Variants in ARHGAP21 observed in about 807,000 individuals in gnomAD.
ARHGAP21 encodes rho GTPase-activating protein 21.
A neutral mutation model predicts 164.6 loss-of-function variants in ARHGAP21; 38 were observed. The observed-to-expected ratio is 0.23, with a 90% CI of 0.18 to 0.30. The LOEUF (loss-of-function observed/expected upper bound fraction) is 0.30. Ranked by LOEUF, ARHGAP21 falls within the 10% of genes least tolerant of loss-of-function variation. The probability of loss-of-function intolerance (pLI) is 1.00; values close to 1 mark genes in which losing one functional copy is unlikely to be tolerated. For missense variants in ARHGAP21, 1,822 were observed against 2,370.7 expected, an observed-to-expected ratio of 0.77 and a Z score of 4.81; for synonymous variants, 766 against 857.9, an observed-to-expected ratio of 0.89 and a Z score of 1.87.
At chr10:24,706,271 A>G (rs976979538) in intron 2 of ARHGAP21, among the ~76,000 whole-genome samples, 3 of 152,172 alleles carry the variant, frequency 2.0e-5, no homozygotes, top group African/African-American at 7.2e-5. Context: ...TCCACCACTT[A>G]AAGCTCTGCA....
At chr10:24,600,132 C>CAAAAAAA (rs56180973) in intron 14 of ARHGAP21, among the ~76,000 whole-genome samples, 38,996 of 92,820 alleles carry the variant, frequency 0.42, 7,973 homozygotes, top group Non-Finnish European at 0.51. Context: ...GACTTCGTTT[C>CAAAAAAA]AAAAAAAAAA....
chr10:24,716,881 C>G (rs1341615729), intron 2 of ARHGAP21, among the ~76,000 whole-genome samples: 1 of 152,142 alleles, frequency 6.6e-6, no homozygotes, highest in Admixed American at 6.5e-5. Flanking sequence ...AAGGAGCATA[C>G]TTGGGAAGGT....
rs569645680 is a variant in ARHGAP21, at chr10:24,680,252, C to T, written c.64-9855G>A. ...ATTTCATAATCTACATATTCTTCCCCGTAACAGCTTTTTGATCTAATTTAT... is the reference window on the plus strand; with the variant it reads ...ATTTCATAATCTACATATTCTTCCCTGTAACAGCTTTTTGATCTAATTTAT... On this transcript the variant is annotated intron_variant, in intron 2 of 25. Transcript: ENST00000396432. 4.6e-5 allele frequency among the ~76,000 whole-genome samples: 7 copies of T among 152,128 alleles called. No homozygotes were observed. In the South Asian group the frequency reaches 1.2e-3, roughly 27 times the overall value.
At chr10:24,615,980 G>T (rs191509188) in intron 9 of ARHGAP21, among the ~76,000 whole-genome samples, 1 of 152,064 alleles carries the variant, frequency 6.6e-6, no homozygotes, top group Non-Finnish European at 1.5e-5. Context: ...GTTTCACTGT[G>T]TTGGCCAGGC....
At chr10:24,622,692 T>C (rs1448345911) in intron 8 of ARHGAP21, 41 bp downstream of exon 8, 2 of 1,588,578 alleles carry the variant, frequency 1.3e-6, no homozygotes, top group Admixed American at 1.8e-5. Context: ...CTACAAAACA[T>C]GACTTAAAAA....
chr10:24,623,148 C>T (rs139634230), intron 7 of ARHGAP21, among the ~76,000 whole-genome samples: 307 of 152,256 alleles, frequency 2.0e-3, no homozygotes, highest in Non-Finnish European at 4.1e-3. Context: ...TTCCAGATGA[C>T]GAAACGAATG....
At chr10:24,678,016 C>T (rs1593260368) in intron 2 of ARHGAP21, among the ~76,000 whole-genome samples, 8 of 151,742 alleles carry the variant, frequency 5.3e-5, no homozygotes, top group Admixed American at 5.3e-4. Flanking sequence ...AATCCCAGCA[C>T]TTAGGGAGGC....
intron 5 of ARHGAP21, among the ~76,000 whole-genome samples, chr10:24,633,827 G>A (rs1593107144): frequency 1.4e-5 from 2 of 145,100 alleles, no homozygotes; most frequent in East Asian, 4.2e-4. Context: ...GCTCCTATCA[G>A]TTGTTTCCTG....
rs748737080 is a variant in ARHGAP21 at position 24,585,327 on chromosome 10, G to T, written c.4962C>A (p.Phe1654Leu). ...FPTALTSERL[F>L]RGKLQEVTKS... ...TAGTCACTTCTTGCAGTTTTCCTCG[G>T]AAAAGCCTCTCTGAAGTCAAGGCTG... is the stretch of plus-strand genomic sequence containing the variant. Residue 1654 changes from phenylalanine (F) to leucine (L), a missense_variant, in exon 26 of 26, where the codon TTC (phenylalanine) becomes TTA (leucine). By Grantham distance (22) the Phe-to-Leu change is conservative. This residue lies in a region of ARHGAP21 where 333 missense variants were observed against 383.9 expected (regional missense o/e 0.87). Transcript: ENST00000396432. 5 of 1,612,636 alleles carry T rather than the reference G, an allele frequency of 3.1e-6. No individual in the cohort carries two copies. The highest frequency in any genetic ancestry group is 4.2e-6 in the Non-Finnish European group (5 of 1,180,014).
chr10:24,674,368 T>C (rs778616734), intron 2 of ARHGAP21, among the ~76,000 whole-genome samples: 1 of 152,202 alleles, frequency 6.6e-6, no homozygotes, highest in Non-Finnish European at 1.5e-5. Flanking sequence ...ACCCCGTCTC[T>C]ACTAAAAATA....
intron 9 of ARHGAP21, among the ~76,000 whole-genome samples, chr10:24,610,967 C>T (rs1185479101): frequency 6.6e-6 from 1 of 152,142 alleles, no homozygotes; most frequent in Non-Finnish European, 1.5e-5. Context: ...CAAGATGAAA[C>T]AGTGATTTAT....
chr10:24,708,938 T>C lies in ARHGAP21; in HGVS notation c.63+12899A>G, dbSNP rs149002956. On this transcript the variant is annotated intron_variant, in intron 2 of 25. Coordinates refer to ENST00000396432, the MANE Select transcript of ARHGAP21 (RefSeq NM_020824.4). ...ATCTTTTTGATAAGTGGATTTCTTT[T>C]CCTTTGAGTAGATTCCTAGGTCAAA... Among the ~76,000 whole-genome samples, 775 of 152,326 alleles carry C rather than the reference T, an allele frequency of 5.1e-3. 7 individuals are homozygous for C. The highest frequency in any genetic ancestry group is 0.018 in the African/African-American group (748 of 41,564).
chr10:24,608,338 C>T (rs1220395328), intron 9 of ARHGAP21, among the ~76,000 whole-genome samples: 3 of 152,080 alleles, frequency 2.0e-5, no homozygotes, highest in African/African-American at 4.8e-5. Context: ...TTCCTAAAAC[C>T]GTATCCCCGC....
intron 21 of ARHGAP21, among the ~76,000 whole-genome samples, chr10:24,593,547 A>G (rs2076432672): frequency 6.6e-6 from 1 of 152,206 alleles, no homozygotes; most frequent in African/African-American, 2.4e-5. Flanking sequence ...AACTGGTAAA[A>G]TAGTCTACAG....
At chr10:24,713,638 CTT>C (rs76742610) in intron 2 of ARHGAP21, among the ~76,000 whole-genome samples, 45 of 135,724 alleles carry the variant, frequency 3.3e-4, no homozygotes, top group Admixed American at 4.5e-4. Context: ...TTCTTTTTTT[CTT>C]TTTTTTTTTT....
intron 2 of ARHGAP21, among the ~76,000 whole-genome samples, chr10:24,698,925 A>G (rs547277008): frequency 7.2e-5 from 11 of 152,306 alleles, no homozygotes; most frequent in South Asian, 2.1e-4. Context: ...AACTCACAAT[A>G]TATTTGTACA....
intron 9 of ARHGAP21, among the ~76,000 whole-genome samples, chr10:24,613,960 G>A (rs1480222123): frequency 6.6e-6 from 1 of 152,172 alleles, no homozygotes; most frequent in African/African-American, 2.4e-5. Context: ...GGGGGTGAGG[G>A]TGTGTGTCCA....
intron 9 of ARHGAP21, among the ~76,000 whole-genome samples, chr10:24,612,805 A>G (rs2077325508): frequency 6.6e-6 from 1 of 152,158 alleles, no homozygotes; most frequent in African/African-American, 2.4e-5. Context: ...CAGTGAGCCG[A>G]GATCAGGCTG....
chr10:24,607,435 T>G (rs2077074405), intron 11 of ARHGAP21, 64 bp downstream of exon 11: 5 of 1,327,762 alleles, frequency 3.8e-6, no homozygotes, highest in Middle Eastern at 2.6e-4. Context: ...TGAACTTATG[T>G]GTCAAGGTCA....
Sources: allele counts gnomAD v4.1 joint callset (sites outside exome capture counted in the v4.1 genomes callset), GRCh38; gene constraint gnomAD v4.1.1; regional missense constraint gnomAD v4.1.1; transcripts MANE v1.5; gene names NCBI Gene and HGNC (gene_info 2026-07-23, HGNC 2026-07-21).